The following SDCCAG8 variants were observed in gnomAD, a reference collection of about 807,000 sequenced individuals.
SDCCAG8 encodes the protein serologically defined colon cancer antigen 8.
Under a neutral mutation model 101.8 loss-of-function variants are expected in SDCCAG8, and 74 were observed. The observed-to-expected ratio is 0.73, with a 90% CI of 0.60 to 0.88. SDCCAG8 has a LOEUF of 0.88. Among genes scored for constraint, SDCCAG8 ranks in the 40% least tolerant of loss-of-function variants. The probability of loss-of-function intolerance (pLI) is 0.00; values close to 1 mark genes in which losing one functional copy is unlikely to be tolerated. For synonymous variants in SDCCAG8, 281 were observed against 292.9 expected, an observed-to-expected ratio of 0.96 and a Z score of 0.41; for missense variants, 787 against 822.6, an observed-to-expected ratio of 0.96 and a Z score of 0.53.
At chr1:243,335,950 T>A (rs1292068689) in intron 10 of SDCCAG8, among the ~76,000 whole-genome samples, 1 of 152,218 alleles carries the variant, frequency 6.6e-6, no homozygotes, top group Non-Finnish European at 1.5e-5. Flanking sequence ...TGCGTCCATG[T>A]TCCTGCCAAA....
intron 15 of SDCCAG8, among the ~76,000 whole-genome samples, chr1:243,420,596 T>C (rs546876477): frequency 6.6e-6 from 1 of 152,328 alleles, no homozygotes; most frequent in African/African-American, 2.4e-5. Context: ...AAGTTTACAA[T>C]TTGACTCAAC....
intron 16 of SDCCAG8, among the ~76,000 whole-genome samples, chr1:243,470,131 C>T (rs919174739): frequency 4.6e-5 from 7 of 152,284 alleles, no homozygotes; most frequent in East Asian, 1.9e-4. Context: ...TCAGATGCTT[C>T]GCCTTTCACC....
At chr1:243,495,238 T>G (rs1028546647) in intron 17 of SDCCAG8, among the ~76,000 whole-genome samples, 1 of 152,220 alleles carries the variant, frequency 6.6e-6, no homozygotes, top group African/African-American at 2.4e-5. Context: ...CTCCCTGGCC[T>G]GTGCGGGGCC....
chr1:243,337,588 C>G (rs532435689), intron 10 of SDCCAG8, among the ~76,000 whole-genome samples: 1 of 152,290 alleles, frequency 6.6e-6, no homozygotes, highest in East Asian at 1.9e-4. Context: ...TTCACTTAAC[C>G]TCTCTAAGTT....
chr1:243,372,952 A>ATATCTATC (rs1453153567), intron 12 of SDCCAG8, among the ~76,000 whole-genome samples: 1 of 138,928 alleles, frequency 7.2e-6, no homozygotes, highest in Non-Finnish European at 1.6e-5. Context: ...ATCTATATCT[A>ATATCTATC]TCTATATATA....
chr1:243,275,721 A>G (rs972558839), intron 4 of SDCCAG8, among the ~76,000 whole-genome samples: 1 of 152,126 alleles, frequency 6.6e-6, no homozygotes, highest in African/African-American at 2.4e-5. Flanking sequence ...TATTAACACC[A>G]TAAGGAGCAC....
intron 13 of SDCCAG8, among the ~76,000 whole-genome samples, chr1:243,391,067 G>C (rs1335279342): frequency 6.6e-6 from 1 of 152,142 alleles, no homozygotes; most frequent in Non-Finnish European, 1.5e-5. Context: ...TCAAGTAGCT[G>C]GGATGACATG....
At chr1:243,369,547 A>G (rs2147877189) in intron 12 of SDCCAG8, among the ~76,000 whole-genome samples, 1 of 152,282 alleles carries the variant, frequency 6.6e-6, no homozygotes, top group Middle Eastern at 3.4e-3. Context: ...TATGATGGTA[A>G]TGTTTGAAGA....
chr1:243,476,397 C>A, intron 16 of SDCCAG8: 1 of 975,772 alleles, frequency 1.0e-6, no homozygotes, highest in Non-Finnish European at 1.2e-6. Context: ...GGTTACTTAG[C>A]TGCTGTGGGC....
At chr1:243,445,092 A>G (rs2082806245) in intron 16 of SDCCAG8, among the ~76,000 whole-genome samples, 1 of 152,224 alleles carries the variant, frequency 6.6e-6, no homozygotes, top group South Asian at 2.1e-4. Context: ...TTATTCTCAC[A>G]TTAATAACAA....
chr1:243,347,361 T>C (rs914327818), intron 12 of SDCCAG8, among the ~76,000 whole-genome samples: 12 of 152,262 alleles, frequency 7.9e-5, no homozygotes, highest in Admixed American at 5.2e-4. Flanking sequence ...CCAGCCTATA[T>C]TCACATTTCT....
intron 16 of SDCCAG8, among the ~76,000 whole-genome samples, chr1:243,473,941 C>CG (rs1373725794): frequency 3.5e-4 from 7 of 20,006 alleles, no homozygotes; most frequent in East Asian, 1.5e-3. Flanking sequence ...GGGGGGGGGC[C>CG]GGGGGAGTAC....
At chr1:243,469,758 G>A (rs149085946) in intron 16 of SDCCAG8, among the ~76,000 whole-genome samples, 59 of 151,382 alleles carry the variant, frequency 3.9e-4, no homozygotes, top group African/African-American at 1.4e-3. Flanking sequence ...GGAACCTAGC[G>A]TATTGTAAGG....
intron 10 of SDCCAG8, among the ~76,000 whole-genome samples, chr1:243,333,216 C>T (rs1220863661): frequency 6.6e-6 from 1 of 152,196 alleles, no homozygotes; most frequent in Non-Finnish European, 1.5e-5. Flanking sequence ...GAACTCATTC[C>T]ATTTGTTTGT....
intron 10 of SDCCAG8, among the ~76,000 whole-genome samples, chr1:243,340,282 T>C (rs1377169144): frequency 6.6e-6 from 1 of 152,208 alleles, no homozygotes; most frequent in African/African-American, 2.4e-5. Context: ...GCACATGCCA[T>C]AGTGATATTC....
intron 17 of SDCCAG8, among the ~76,000 whole-genome samples, chr1:243,499,297 T>C (rs1044712744): frequency 1.4e-4 from 22 of 152,210 alleles, no homozygotes; most frequent in Admixed American, 1.2e-3. Flanking sequence ...AGTTACAAAT[T>C]TGGAGGTGTT....
intron 10 of SDCCAG8, among the ~76,000 whole-genome samples, chr1:243,337,532 G>T (rs2075093705): frequency 6.6e-6 from 1 of 152,196 alleles, no homozygotes. Context: ...TGGAGTAAAA[G>T]GATTTAGAGT....
At chr1:243,480,438 G>A (rs865823462) in intron 16 of SDCCAG8, among the ~76,000 whole-genome samples, 1 of 76,880 alleles carries the variant, frequency 1.3e-5, no homozygotes, top group Non-Finnish European at 2.7e-5. Context: ...GGGTGGATGG[G>A]TGGGATGGAT....
intron 15 of SDCCAG8, among the ~76,000 whole-genome samples, chr1:243,418,598 A>G (rs1296206153): frequency 6.6e-6 from 1 of 152,224 alleles, no homozygotes; most frequent in Non-Finnish European, 1.5e-5. Context: ...ATTTTATAGC[A>G]TACTACTCTT....
Sources: allele counts gnomAD v4.1 joint callset (sites outside exome capture counted in the v4.1 genomes callset), GRCh38; gene constraint gnomAD v4.1.1; transcripts MANE v1.5; gene names NCBI Gene and HGNC (gene_info 2026-07-23, HGNC 2026-07-21).